Variants in PNPLA1 observed in about 807,000 individuals in gnomAD.
The protein encoded by PNPLA1 is patatin like domain 1, omega-hydroxyceramide transacylase, also known as omega-hydroxyceramide transacylase.
Under a neutral mutation model 51.7 loss-of-function variants are expected in PNPLA1, and 36 were observed. The ratio of observed to expected loss-of-function variants is 0.70; its 90% CI spans 0.53 to 0.92. The LOEUF (loss-of-function observed/expected upper bound fraction) is 0.92. Ranked by LOEUF, PNPLA1 falls within the 40% of genes least tolerant of loss-of-function variation. The pLI, the probability that PNPLA1 is intolerant of heterozygous loss-of-function variation, is 0.00. For missense variants in PNPLA1, 658 were observed against 682.5 expected, an observed-to-expected ratio of 0.96 and a Z score of 0.40; for synonymous variants, 293 against 280.1, an observed-to-expected ratio of 1.05 and a Z score of -0.46.
intron 1 of PNPLA1, among the ~76,000 whole-genome samples, chr6:36,248,360 G>A (rs570108003): frequency 6.6e-6 from 1 of 152,222 alleles, no homozygotes; most frequent in South Asian, 2.1e-4. Context: ...CCCTCTGAGG[G>A]AGGCTCTGTT....
At chr6:36,310,851 C>T (rs939585538) in intron 8 of PNPLA1, among the ~76,000 whole-genome samples, 16 of 152,194 alleles carry the variant, frequency 1.1e-4, no homozygotes, top group African/African-American at 3.9e-4. Flanking sequence ...ATAACATTCA[C>T]CCTGCCTTCA....
intron 1 of PNPLA1, among the ~76,000 whole-genome samples, chr6:36,280,131 G>A (rs749267013): frequency 2.6e-4 from 40 of 152,262 alleles, no homozygotes; most frequent in African/African-American, 7.9e-4. Context: ...GTGTGAACCC[G>A]GGAGGCGGCG....
intron 1 of PNPLA1, among the ~76,000 whole-genome samples, chr6:36,252,328 G>A (rs1769437676): frequency 1.3e-5 from 2 of 152,166 alleles, no homozygotes; most frequent in Admixed American, 6.5e-5. Context: ...TGCACATTGA[G>A]TTTTCTGTAA....
chr6:36,297,883 C>T (rs565564584), intron 5 of PNPLA1, among the ~76,000 whole-genome samples: 1 of 140,422 alleles, frequency 7.1e-6, no homozygotes, highest in South Asian at 2.2e-4. Flanking sequence ...CACACACACA[C>T]ACACACCCTG....
At chr6:36,288,593 C>T (rs1408108301) in intron 1 of PNPLA1, among the ~76,000 whole-genome samples, 4 of 151,844 alleles carry the variant, frequency 2.6e-5, no homozygotes, top group Middle Eastern at 3.4e-3. Context: ...GCTGGGACTA[C>T]AGGCGCCCGC....
rs952414375 is a variant in PNPLA1 at position 36,289,112 on chromosome 6, C to T, written c.206-2208C>T. On this transcript the variant is annotated intron_variant, in intron 1 of 8. Coordinates refer to ENST00000636260, the MANE Select transcript of PNPLA1 (RefSeq NM_001374623.1). ...GTCTCTAGGAGGAGGGATTCCAAGA[C>T]ATTTTAATTTTTTTCTTTCTGCTTA... 5.9e-5 allele frequency among the ~76,000 whole-genome samples: 9 copies of T among 152,286 alleles called. 1 individual carries two copies. The South Asian group carries it at 1.0e-3, about 18-fold the overall frequency.
intron 2 of PNPLA1, 112 bp from the exon 3 acceptor site, chr6:36,292,949 C>A: frequency 2.3e-6 from 2 of 882,830 alleles, no homozygotes; most frequent in Non-Finnish European, 3.4e-6. Context: ...GCACCTTCAC[C>A]TAGAATTTAA....
At chr6:36,305,769 T>TA (rs1491216996) in intron 6 of PNPLA1, among the ~76,000 whole-genome samples, 3 of 19,902 alleles carry the variant, frequency 1.5e-4, no homozygotes, top group Non-Finnish European at 2.4e-4. Flanking sequence ...TACTTTTCTC[T>TA]TTTTTTTTTT....
intron 5 of PNPLA1, among the ~76,000 whole-genome samples, chr6:36,299,459 C>G (rs915447973): frequency 6.6e-6 from 1 of 151,802 alleles, no homozygotes; most frequent in Admixed American, 6.6e-5. Context: ...CTCAGTCTCC[C>G]GAGTAGCTGG....
chr6:36,310,355 A>T (rs2127357737), intron 8 of PNPLA1, among the ~76,000 whole-genome samples: 1 of 152,314 alleles, frequency 6.6e-6, no homozygotes, highest in South Asian at 2.1e-4. Flanking sequence ...TTCCGTGGTC[A>T]TCCGACTCTG....
Position 36,307,441 on chromosome 6 carries a change from A to T in PNPLA1, c.1470-146A>T, listed in dbSNP as rs112385645. 4,014 of 814,952 alleles carry T rather than the reference A, an allele frequency of 4.9e-3. 103 individuals are homozygous for T. In the African/African-American group the frequency reaches 0.057, roughly 12 times the overall value. 50.5% of individuals were successfully genotyped at this position (814,952 alleles called of 1,614,324 possible). On this transcript the variant is annotated intron_variant, in intron 7 of 8. Coordinates refer to ENST00000636260, the MANE Select transcript of PNPLA1 (RefSeq NM_001374623.1). ...GATAAATATTCATTGATTATATTTT[A>T]AAAAAAGTTTGCTGGGAAATCCAAT... is the stretch of plus-strand genomic sequence containing the variant.
intron 8 of PNPLA1, chr6:36,308,358 C>T (rs1197532266): frequency 6.6e-6 from 1 of 152,150 alleles, no homozygotes; most frequent in Non-Finnish European, 1.5e-5. Flanking sequence ...GCCCGGGCAA[C>T]AAGAGCGAAA....
In PNPLA1 at chr6:36,270,170, G is replaced by T. The variant is rs550879503; in HGVS notation, c.-290G>T. ...AATCTAGCCAAGAAATGAAGCCAGT[G>T]GGGGGCTCACAGGACCAAGACCCTG... On this transcript the variant is annotated 5_prime_UTR_variant, in exon 1 of 9. Transcript: ENST00000636260. Among the ~76,000 whole-genome samples the T allele has an allele frequency of 1.3e-5, 2 of 152,342 alleles. No homozygotes were observed. Among genetic ancestry groups the T allele is most frequent in the East Asian group, 3.9e-4 (2 of 5,184 alleles).
chr6:36,302,039 G>A lies in PNPLA1; in HGVS notation c.954G>A (p.Gly318=), dbSNP rs763059905. The part of the protein sequence containing the change: ...TQPHKEWVPK[G]DGRGSHGPPV... Reference sequence around the variant, plus strand: ...CTCACAAGGAGTGGGTTCCCAAAGGGGATGGAAGGGGCAGCCATGGTCCGC... The same window carrying A: ...CTCACAAGGAGTGGGTTCCCAAAGGAGATGGAAGGGGCAGCCATGGTCCGC... Residue 318 remains glycine, a synonymous_variant, in exon 6 of 9, where the codon GGG becomes GGA. Coordinates refer to ENST00000636260, the MANE Select transcript of PNPLA1 (RefSeq NM_001374623.1). The A allele has an allele frequency of 1.2e-6, 2 of 1,614,200 alleles. No homozygotes were observed. The highest frequency in any genetic ancestry group is 3.3e-5 in the Admixed American group (2 of 60,030).
At position 36,300,192 on chromosome 6, in the gene PNPLA1, A is replaced by T. The variant is rs1412894452; in HGVS notation, c.776-1669A>T. 2.1e-3 allele frequency among the ~76,000 whole-genome samples: 243 copies of T among 117,576 alleles called. 11 individuals are homozygous for T. The South Asian group carries it at 0.05, about 24-fold the overall frequency. The allele number at this position is 117,576 out of a possible 152,430, so 77.1% of individuals were successfully genotyped here. ...GTGTGTGTGTGTGAGAGAGAGAGAG[A>T]GAGAGAGAGAGAGAGAGAGAGAGAC... is the stretch of plus-strand genomic sequence containing the variant. On this transcript the variant is annotated intron_variant, in intron 5 of 8. Transcript: ENST00000636260.
intron 1 of PNPLA1, among the ~76,000 whole-genome samples, chr6:36,276,452 G>C (rs1375471366): frequency 1.3e-5 from 2 of 152,160 alleles, no homozygotes; most frequent in Non-Finnish European, 2.9e-5. Context: ...ACTTAACATA[G>C]TGCCTGGTTT....
intron 1 of PNPLA1, among the ~76,000 whole-genome samples, chr6:36,275,030 A>T (rs1770047265): frequency 6.6e-6 from 1 of 151,978 alleles, no homozygotes; most frequent in South Asian, 2.1e-4. Context: ...TCAGATTTTA[A>T]TTTTAATGCT....
At chr6:36,287,793 C>T (rs1350594591) in intron 1 of PNPLA1, among the ~76,000 whole-genome samples, 1 of 131,054 alleles carries the variant, frequency 7.6e-6, no homozygotes, top group Non-Finnish European at 1.7e-5. Flanking sequence ...CACACACACA[C>T]ACCCCTGGAG....
At position 36,256,417 on chromosome 6, in the gene PNPLA1, A is replaced by T. The variant is rs116472313; in HGVS notation, c.-81+13156A>T. ...TTACTTCAGAGTGTTATCACTTATG[A>T]TGCTCTAAGAAATTATCCCCCATAT... On this transcript the variant is annotated intron_variant, in intron 1 of 7. Transcript: ENST00000312917. Among the ~76,000 whole-genome samples, 185 of 152,172 alleles carry T rather than the reference A, an allele frequency of 1.2e-3. 1 individual carries two copies. The highest frequency in any genetic ancestry group is 4.3e-3 in the African/African-American group (177 of 41,528).
Sources: gnomAD v4.1 joint callset for allele counts (sites outside exome capture counted in the v4.1 genomes callset) on GRCh38, gnomAD v4.1.1 for gene constraint, MANE v1.5 for transcripts, NCBI Gene and HGNC (gene_info 2026-07-23, HGNC 2026-07-21) for gene names.